IQCH: variants seen among roughly 807,000 people sequenced by gnomAD.
IQCH encodes the protein IQ motif containing H.
IQCH carries 98 observed loss-of-function variants against 117.0 expected under a neutral mutation model. The observed-to-expected ratio is 0.84, with a 90% CI of 0.71 to 0.99. IQCH has a LOEUF of 0.99. Among genes scored for constraint, IQCH ranks in the 50% least tolerant of loss-of-function variants. The pLI is 0.00. For missense variants in IQCH, 1,102 were observed against 1,243.8 expected (o/e 0.89, Z 1.72); for synonymous variants, 412 against 448.2 (o/e 0.92, Z 1.02).
At chr15:67,334,369 A>C (rs1596202284) in intron 4 of IQCH, among the ~76,000 whole-genome samples, 1 of 148,500 alleles carries the variant, frequency 6.7e-6, no homozygotes, top group Non-Finnish European at 1.5e-5. Context: ...CCCCCATCCT[A>C]CCCTCCTTCT....
In IQCH at chr15:67,424,222, G is replaced by A. The variant is rs901248091; in HGVS notation, c.2505+2645G>A. 6.6e-6 allele frequency among the ~76,000 whole-genome samples: 1 copy of A among 152,002 alleles called. No individual in the cohort carries two copies. Among genetic ancestry groups the A allele is most frequent in the Non-Finnish European group, 1.5e-5 (1 of 68,012 alleles). ...CTCATCATATTCCCTCTACCACAGG[G>A]CCTAAACATGCTGTTCCTCCACCTT... On this transcript the variant is annotated intron_variant, in intron 16 of 20. Transcript: ENST00000335894. The surrounding 1 kb of genome is among the most constrained non-coding windows in gnomAD (Gnocchi z 4.9).
Position 67,474,029 on chromosome 15 carries a change from G to A in IQCH, c.2677-1667G>A, listed in dbSNP as rs1025555836. Among the ~76,000 whole-genome samples the A allele has an allele frequency of 5.3e-5, 8 of 151,644 alleles. No individual in the cohort carries two copies. Among genetic ancestry groups the A allele is most frequent in the African/African-American group, 1.9e-4 (8 of 41,226 alleles). On this transcript the variant is annotated intron_variant, in intron 17 of 20. Transcript: ENST00000335894. This position sits in a 1 kb window ranked among gnomAD's most constrained non-coding sequence, Gnocchi z 4.1. ...GAAAAACATGCTCCCCCCATCATGT[G>A]TGAGGGGAGCATGTCACCAAAAGTG...
At chr15:67,371,404 A>C in intron 8 of IQCH, 7 of 1,142,366 alleles carry the variant, frequency 6.1e-6, no homozygotes, top group Non-Finnish European at 8.3e-6. Flanking sequence ...TGAAAAGCAA[A>C]TGCTCCCTTG....
chr15:67,357,388 A>G lies in IQCH; in HGVS notation c.681A>G (p.Glu227=), dbSNP rs776270707. Residue 227 remains glutamate, a synonymous_variant, in exon 7 of 21, where the codon GAA becomes GAG. Transcript: ENST00000335894. ...IPREPPPSPA[E]VKFFPKKQRS... ...GGGAACCACCTCCATCTCCAGCAGAAGTGAAGTTCTTTCCCAAGAAACAAA... is the reference window on the plus strand; with the variant it reads ...GGGAACCACCTCCATCTCCAGCAGAGGTGAAGTTCTTTCCCAAGAAACAAA... The G allele has an allele frequency of 6.2e-7, 1 of 1,610,696 alleles. No individual in the cohort carries two copies. The highest frequency in any genetic ancestry group is 1.1e-5 in the South Asian group (1 of 91,016).
In IQCH at chr15:67,388,447, C is replaced by G. The variant is rs1267019682; in HGVS notation, c.1457-384C>G. Among the ~76,000 whole-genome samples, 6 of 118,470 alleles carry G rather than the reference C, an allele frequency of 5.1e-5. No homozygotes were observed. Among genetic ancestry groups the G allele is most frequent in the Non-Finnish European group, 1.2e-4 (6 of 48,072 alleles). 77.7% of individuals were successfully genotyped at this position (118,470 alleles called of 152,430 possible). On this transcript the variant is annotated intron_variant, in intron 11 of 20. Transcript: ENST00000335894. This position sits in a 1 kb window ranked among gnomAD's most constrained non-coding sequence, Gnocchi z 5.5. ...TTCATCAGCTTTGTAAAGTTAGTAG[C>G]TCTGTTTTATAATTTACTGAAGTTA... is the stretch of plus-strand genomic sequence containing the variant.
chr15:67,485,660 T>A (rs565572468), intron 18 of IQCH, among the ~76,000 whole-genome samples: 12 of 152,320 alleles, frequency 7.9e-5, no homozygotes, highest in South Asian at 2.1e-4. Flanking sequence ...GAAAATCTTT[T>A]TTTTTATTTT....
At chr15:67,324,421 C>G (rs1968302868) in intron 4 of IQCH, among the ~76,000 whole-genome samples, 1 of 151,664 alleles carries the variant, frequency 6.6e-6, no homozygotes, top group African/African-American at 2.4e-5. Flanking sequence ...ACCAACCTGG[C>G]CAACATGACA....
intron 4 of IQCH, among the ~76,000 whole-genome samples, chr15:67,289,445 G>A (rs916017099): frequency 6.6e-6 from 1 of 152,052 alleles, no homozygotes; most frequent in African/African-American, 2.4e-5. Context: ...TTGATCATGG[G>A]GGATTAAAAA....
chr15:67,281,675 C>T (rs991353961), intron 4 of IQCH: 1 of 454,110 alleles, frequency 2.2e-6, no homozygotes, highest in South Asian at 1.6e-5. Flanking sequence ...GGTGGAGATT[C>T]TCTACAGAAG....
At chr15:67,455,339 C>G (rs2082634686) in intron 16 of IQCH, among the ~76,000 whole-genome samples, 1 of 152,150 alleles carries the variant, frequency 6.6e-6, no homozygotes, top group Non-Finnish European at 1.5e-5. Flanking sequence ...GGGCTCTGAA[C>G]TCTGGTCTGA....
intron 13 of IQCH, among the ~76,000 whole-genome samples, chr15:67,396,646 A>C (rs916602262): frequency 5.3e-5 from 8 of 152,176 alleles, no homozygotes; most frequent in Non-Finnish European, 1.0e-4. Context: ...CATTACTCTG[A>C]GCCAATCACA....
rs752948716 is a variant in IQCH at position 67,443,222 on chromosome 15, G to A, written c.2505+21645G>A. On this transcript the variant is annotated intron_variant, in intron 16 of 20. Coordinates refer to ENST00000335894, the MANE Select transcript of IQCH (RefSeq NM_001031715.3). This position sits in a 1 kb window ranked among gnomAD's most constrained non-coding sequence, Gnocchi z 5.0. The stretch of plus-strand genomic sequence containing the variant: ...TTAACCAGGATGGTCTCGATCTCCT[G>A]AACTCGTCATCCACCCGCCTCGGCC... 6.6e-6 allele frequency among the ~76,000 whole-genome samples: 1 copy of A among 152,182 alleles called. No homozygotes were observed. Among genetic ancestry groups the A allele is most frequent in the Non-Finnish European group, 1.5e-5 (1 of 68,038 alleles).
At chr15:67,275,841 C>G (rs1966099765) in intron 3 of IQCH, among the ~76,000 whole-genome samples, 1 of 152,228 alleles carries the variant, frequency 6.6e-6, no homozygotes, top group African/African-American at 2.4e-5. Context: ...GATTGTGCCA[C>G]TGCACTCCAG....
In IQCH at chr15:67,500,670, C is replaced by T. The variant is rs1252566644; in HGVS notation, c.3008C>T (p.Thr1003Ile). The T allele has an allele frequency of 6.2e-7, 1 of 1,601,304 alleles. No individual in the cohort carries two copies. Among genetic ancestry groups the T allele is most frequent in the Non-Finnish European group, 8.5e-7 (1 of 1,170,584 alleles). Residue 1003 changes from threonine to isoleucine, a missense_variant, in exon 21 of 21, where the codon ACA becomes ATA. By Grantham distance (89) the Thr-to-Ile change is moderately conservative. Coordinates refer to ENST00000335894, the MANE Select transcript of IQCH (RefSeq NM_001031715.3). This position sits in a 1 kb window ranked among gnomAD's most constrained non-coding sequence, Gnocchi z 4.4. ...IADIETILRV[T>I]KENKMRFEEE... ...GATATTGAAACTATTCTAAGAGTAA[C>T]AAAGGAAAACAAAATGAGATTTGAA...
chr15:67,420,121 T>A (rs1316935608), intron 15 of IQCH, among the ~76,000 whole-genome samples: 1 of 152,250 alleles, frequency 6.6e-6, no homozygotes, highest in African/African-American at 2.4e-5. Flanking sequence ...AAGAAAAGCA[T>A]GTCTCAAACA....
In IQCH at chr15:67,387,061, G is replaced by A. The variant is rs62016022; in HGVS notation, c.1457-1770G>A. Reference sequence around the variant, plus strand: ...TTTCATACTTAAAAAAAACTCATTAGTTTGATTTTTAAAACCTCTACTGTA... The same window carrying A: ...TTTCATACTTAAAAAAAACTCATTAATTTGATTTTTAAAACCTCTACTGTA... On this transcript the variant is annotated intron_variant, in intron 11 of 20. Coordinates refer to ENST00000335894, the MANE Select transcript of IQCH (RefSeq NM_001031715.3). This position sits in a 1 kb window ranked among gnomAD's most constrained non-coding sequence, Gnocchi z 4.8. Among the ~76,000 whole-genome samples, 1,952 of 152,070 alleles carry A rather than the reference G, an allele frequency of 0.013. 30 individuals carry two copies. Among genetic ancestry groups the A allele is most frequent in the African/African-American group, 0.024 (1,011 of 41,502 alleles).
chr15:67,462,459 A>G (rs2082822657), intron 16 of IQCH, among the ~76,000 whole-genome samples: 1 of 151,530 alleles, frequency 6.6e-6, no homozygotes, highest in African/African-American at 2.4e-5. Context: ...ATTATAAGGC[A>G]ATTTCACGTG....
At chr15:67,305,828 T>A (rs1967265399) in intron 4 of IQCH, among the ~76,000 whole-genome samples, 1 of 152,130 alleles carries the variant, frequency 6.6e-6, no homozygotes, top group Non-Finnish European at 1.5e-5. Context: ...CAAAATTATA[T>A]CCAAAACTTG....
chr15:67,409,154 A>G (rs1392113025), intron 14 of IQCH, among the ~76,000 whole-genome samples: 1 of 152,188 alleles, frequency 6.6e-6, no homozygotes, highest in African/African-American at 2.4e-5. Context: ...AAAGAAAAGG[A>G]TCGCAGGCCC....
Sources: gnomAD v4.1 joint callset for allele counts (sites outside exome capture counted in the v4.1 genomes callset) on GRCh38, gnomAD v4.1.1 for gene constraint, Gnocchi (gnomAD v3.1) non-coding constraint, MANE v1.5 for transcripts, NCBI Gene and HGNC (gene_info 2026-07-23, HGNC 2026-07-21) for gene names.